Variants in DCDC1 observed in about 807,000 individuals in gnomAD.
DCDC1 encodes the protein doublecortin domain-containing protein 1.
DCDC1 carries 200 observed loss-of-function variants against 178.3 expected under a neutral mutation model. The observed-to-expected ratio is 1.12, with a 90% CI of 1.00 to 1.26. The LOEUF is 1.26. Ranked by LOEUF, DCDC1 falls within the 50% of genes most tolerant of loss-of-function variation. The probability of loss-of-function intolerance (pLI) is 0.00; values close to 1 mark genes in which losing one functional copy is unlikely to be tolerated. For missense variants in DCDC1, 1,983 were observed against 1,749.2 expected (o/e 1.13, Z -2.38); for synonymous variants, 690 against 604.8 (o/e 1.14, Z -2.07).
At chr11:31,188,635 C>A (rs1453188971) in intron 9 of DCDC1, among the ~76,000 whole-genome samples, 1 of 152,162 alleles carries the variant, frequency 6.6e-6, no homozygotes, top group Non-Finnish European at 1.5e-5. Context: ...GTATACCAAA[C>A]AAACAGGTAC....
At chr11:30,976,178 C>A (rs1950092020) in intron 20 of DCDC1, among the ~76,000 whole-genome samples, 1 of 151,764 alleles carries the variant, frequency 6.6e-6, no homozygotes, top group Non-Finnish European at 1.5e-5. Flanking sequence ...TGAAATTAGA[C>A]AAAAATCAAC....
intron 12 of DCDC1, among the ~76,000 whole-genome samples, chr11:31,107,250 C>G (rs1163979608): frequency 6.6e-6 from 1 of 152,106 alleles, no homozygotes; most frequent in African/African-American, 2.4e-5. Flanking sequence ...ACAGAAAGAG[C>G]ATTTAGCTTC....
intron 1 of DCDC1, among the ~76,000 whole-genome samples, chr11:31,367,402 TAAAC>T (rs778381336): frequency 6.6e-5 from 10 of 152,216 alleles, no homozygotes; most frequent in Non-Finnish European, 1.0e-4. Context: ...TAAACAAAAC[TAAAC>T]AAACAAACAA....
chr11:31,047,730 G>A (rs993024899), intron 20 of DCDC1, among the ~76,000 whole-genome samples: 4 of 152,082 alleles, frequency 2.6e-5, no homozygotes, highest in Non-Finnish European at 5.9e-5. Context: ...CTTGAGGATG[G>A]AGGGATTTTT....
chr11:30,942,319 C>T (rs545865852), intron 21 of DCDC1, among the ~76,000 whole-genome samples: 4 of 152,184 alleles, frequency 2.6e-5, no homozygotes, highest in East Asian at 1.9e-4. Context: ...TATTCTATAG[C>T]GGAGATATTG....
intron 9 of DCDC1, among the ~76,000 whole-genome samples, chr11:31,156,414 T>A (rs531697487): frequency 1.3e-5 from 2 of 152,124 alleles, no homozygotes; most frequent in African/African-American, 4.8e-5. Context: ...TGAATTGGAC[T>A]ATAAACACTG....
chr11:31,327,480 T>C (rs1396033894), intron 3 of DCDC1, among the ~76,000 whole-genome samples: 1 of 152,056 alleles, frequency 6.6e-6, no homozygotes, highest in East Asian at 1.9e-4. Flanking sequence ...TCTAGTATTG[T>C]TTTGAGAACA....
chr11:31,190,841 T>C (rs1184127014), intron 9 of DCDC1, among the ~76,000 whole-genome samples: 1 of 152,134 alleles, frequency 6.6e-6, no homozygotes, highest in Admixed American at 6.6e-5. Context: ...TCTATGAACT[T>C]ACTGCTTATA....
At chr11:31,017,409 C>A (rs1261319093) in intron 20 of DCDC1, among the ~76,000 whole-genome samples, 2 of 152,068 alleles carry the variant, frequency 1.3e-5, no homozygotes, top group East Asian at 1.9e-4. Flanking sequence ...ATTTTCTTTT[C>A]TTTAGCTTAT....
At chr11:31,082,189 T>C (rs1218689530) in intron 17 of DCDC1, among the ~76,000 whole-genome samples, 16 of 152,320 alleles carry the variant, frequency 1.1e-4, no homozygotes, top group Non-Finnish European at 4.4e-5. Context: ...TATCATGACA[T>C]ACACTGAACT....
intron 20 of DCDC1, among the ~76,000 whole-genome samples, chr11:31,025,142 T>C (rs1953137870): frequency 6.6e-6 from 1 of 151,772 alleles, no homozygotes; most frequent in Non-Finnish European, 1.5e-5. Context: ...AAGTAACATT[T>C]TAAACTACCA....
intron 30 of DCDC1, among the ~76,000 whole-genome samples, chr11:30,906,006 G>A (rs1457839391): frequency 6.6e-6 from 1 of 152,130 alleles, no homozygotes; most frequent in Non-Finnish European, 1.5e-5. Context: ...TTGAAAGGGA[G>A]GGTTTTTTAA....
intron 7 of DCDC1, among the ~76,000 whole-genome samples, chr11:31,288,604 T>C (rs188912363): frequency 3.3e-5 from 5 of 152,028 alleles, no homozygotes; most frequent in Admixed American, 3.3e-4. Context: ...TCTTATCTCA[T>C]TGCAATAACC....
At chr11:30,884,699 A>C (rs190006495) in intron 36 of DCDC1, among the ~76,000 whole-genome samples, 128 of 152,216 alleles carry the variant, frequency 8.4e-4, no homozygotes, top group African/African-American at 2.7e-3. Context: ...AGACCCTTGT[A>C]AACAAAAAAA....
At chr11:30,931,148 T>C (rs1946899438) in intron 22 of DCDC1, among the ~76,000 whole-genome samples, 1 of 152,148 alleles carries the variant, frequency 6.6e-6, no homozygotes, top group Non-Finnish European at 1.5e-5. Flanking sequence ...TGATCTATGA[T>C]GCCTTTTGTC....
At chr11:31,257,282 T>G (rs898007707) in intron 8 of DCDC1, among the ~76,000 whole-genome samples, 2 of 152,200 alleles carry the variant, frequency 1.3e-5, no homozygotes, top group African/African-American at 2.4e-5. Flanking sequence ...AACATTAGAT[T>G]CATGTGGCTT....
In DCDC1 at chr11:30,900,445, C is replaced by A; in HGVS notation, c.4564G>T (p.Asp1522Tyr). ...GACTTGTCTATACCATCCAAACTAT[C>A]GGATGTCACAGATTTTGCAAATAAT... ...NRLFAKSVTS[D>Y]SLDGIDKSLL... The change falls in exon 33 of 39, where the codon GAT (aspartate) becomes TAT (tyrosine). Residue 1522 changes from aspartate (D) to tyrosine (Y), a missense_variant. Physicochemically the swap from Asp to Tyr is radical, Grantham distance 160. Coordinates refer to ENST00000684477, the MANE Select transcript of DCDC1 (RefSeq NM_001387274.1). 1 of 1,558,382 alleles carries A rather than the reference C, an allele frequency of 6.4e-7. No individual in the cohort carries two copies. The highest frequency in any genetic ancestry group is 8.7e-7 in the Non-Finnish European group (1 of 1,150,718).
intron 20 of DCDC1, among the ~76,000 whole-genome samples, chr11:30,955,150 C>T (rs1404063400): frequency 2.0e-5 from 3 of 152,110 alleles, no homozygotes; most frequent in Admixed American, 6.5e-5. Context: ...CTTTTGAAAA[C>T]CTTTCTTGTA....
chr11:31,265,607 A>G lies in DCDC1; in HGVS notation c.961-7T>C. 7.6e-7 allele frequency: 1 copy of G among 1,324,016 alleles called. No homozygotes were observed. The highest frequency in any genetic ancestry group is 9.8e-7 in the Non-Finnish European group (1 of 1,015,902). The allele number at this position is 1,324,016 out of a possible 1,614,324, so 82.0% of individuals were successfully genotyped here. A position where few individuals can be genotyped will look rare whatever the true frequency, so the allele number is the denominator to read the frequency against. Reference sequence around the variant, plus strand: ...TTGTACAAGTATCTAAAACCTGTGCAGGAAAAAAAAATTATAAATAATTTA... The same window carrying G: ...TTGTACAAGTATCTAAAACCTGTGCGGGAAAAAAAAATTATAAATAATTTA... On this transcript the variant is annotated splice_region_variant and splice_polypyrimidine_tract_variant and intron_variant, in intron 7 of 38. Transcript: ENST00000684477.
Sources: gnomAD v4.1 joint callset for allele counts (sites outside exome capture counted in the v4.1 genomes callset) on GRCh38, gnomAD v4.1.1 for gene constraint, MANE v1.5 for transcripts, NCBI Gene and HGNC (gene_info 2026-07-23, HGNC 2026-07-21) for gene names.